The following LPCAT3 variants were observed in gnomAD, a reference collection of about 807,000 sequenced individuals.
LPCAT3 encodes the protein lysophosphatidylcholine acyltransferase 3.
Under a neutral mutation model 63.4 loss-of-function variants are expected in LPCAT3, and 21 were observed. The ratio of observed to expected loss-of-function variants is 0.33; its 90% CI spans 0.23 to 0.48. LPCAT3 has a LOEUF of 0.48. Ranked by LOEUF, LPCAT3 falls within the 20% of genes least tolerant of loss-of-function variation. The pLI is 0.99. For synonymous variants in LPCAT3, 242 were observed against 227.5 expected (o/e 1.06, Z -0.58); for missense variants, 451 against 590.6 (o/e 0.76, Z 2.45).
chr12:7,002,645 A>G (rs782494773), intron 1 of LPCAT3, among the ~76,000 whole-genome samples: 20 of 152,228 alleles, frequency 1.3e-4, no homozygotes, highest in South Asian at 4.1e-4. Context: ...ATAAATTTGA[A>G]TAAGTGTGGT....
intron 1 of LPCAT3, among the ~76,000 whole-genome samples, chr12:7,014,891 T>TGAAAAAAAAA (rs1946787988): frequency 1.1e-5 from 1 of 87,994 alleles, no homozygotes; most frequent in Non-Finnish European, 2.1e-5. Context: ...AGACTCCGTC[T>TGAAAAAAAAA]CAAAAAAAAA....
chr12:6,980,865 G>A (rs782386923), intron 6 of LPCAT3, 139 bp downstream of exon 6: 1 of 695,660 alleles, frequency 1.4e-6, no homozygotes, highest in East Asian at 3.0e-5. Context: ...CTGGCACAGA[G>A]TGCCTGTTAC....
chr12:6,979,188 A>T (rs2138329494), intron 7 of LPCAT3: 1 of 475,666 alleles, frequency 2.1e-6, no homozygotes, highest in East Asian at 3.8e-5. Context: ...CTGTGCTCTG[A>T]GGGGTCACGT....
chr12:6,978,611 G>A lies in LPCAT3; in HGVS notation c.865C>T (p.Leu289=). The change falls in exon 8 of 13, where the codon CTG becomes TTG. Residue 289 remains leucine (L), a synonymous_variant. Coordinates refer to ENST00000261407, the MANE Select transcript of LPCAT3 (RefSeq NM_005768.6). The part of the protein sequence containing the change: ...FVLYKYVTCW[L]VTEGVCILTG... ...TCAACTTTTCTACTTACTGTGACCA[G>A]CCAACAGGTGACATATTTGTACAGC... 1 of 1,614,166 alleles carries A rather than the reference G, an allele frequency of 6.2e-7. No individual in the cohort carries two copies. Among genetic ancestry groups the A allele is most frequent in the Non-Finnish European group, 8.5e-7 (1 of 1,180,024 alleles).
intron 1 of LPCAT3, among the ~76,000 whole-genome samples, chr12:6,986,471 G>A (rs1340553417): frequency 6.6e-6 from 1 of 152,066 alleles, no homozygotes; most frequent in Non-Finnish European, 1.5e-5. Flanking sequence ...TCTATTAGTA[G>A]TTAAGTTTTT....
intron 1 of LPCAT3, among the ~76,000 whole-genome samples, chr12:6,995,847 T>C (rs2138348088): frequency 6.6e-6 from 1 of 152,242 alleles, no homozygotes; most frequent in South Asian, 2.1e-4. Context: ...CTCTACTGCT[T>C]CCCCTGGTCT....
intron 1 of LPCAT3, among the ~76,000 whole-genome samples, chr12:6,994,572 TCCTC>T (rs1345922392): frequency 6.6e-6 from 1 of 152,098 alleles, no homozygotes; most frequent in African/African-American, 2.4e-5. Context: ...GTTCAAGTGA[TCCTC>T]CCACCTGAGC....
intron 1 of LPCAT3, among the ~76,000 whole-genome samples, chr12:7,007,162 G>T (rs925691745): frequency 6.6e-6 from 1 of 151,846 alleles, no homozygotes; most frequent in Non-Finnish European, 1.5e-5. Flanking sequence ...TCCTGCCTCA[G>T]CCTCCCAAGT....
intron 1 of LPCAT3, among the ~76,000 whole-genome samples, chr12:7,010,751 T>A (rs914870660): frequency 6.6e-6 from 1 of 152,244 alleles, no homozygotes; most frequent in Non-Finnish European, 1.5e-5. Context: ...GAAACATGTT[T>A]AACGATAAAG....
At chr12:6,989,018 C>T (rs1017851188) in intron 1 of LPCAT3, among the ~76,000 whole-genome samples, 3 of 151,518 alleles carry the variant, frequency 2.0e-5, no homozygotes, top group South Asian at 2.1e-4. Context: ...CCCAGCTACT[C>T]GGGAGGCTGA....
rs782553663 is a variant in LPCAT3 at position 7,018,243 on chromosome 12, G to A, written c.151+31C>T. On this transcript the variant is annotated intron_variant, in intron 1 of 12. Transcript: ENST00000261407. The surrounding 1 kb of genome is among the most constrained non-coding windows in gnomAD (Gnocchi z 4.9). ...CTCCCCTACTCCCCGGGGACTCCGCGAGGGGCGGAGGGAGGCAGGAGGGTC... is the reference window on the plus strand; with the variant it reads ...CTCCCCTACTCCCCGGGGACTCCGCAAGGGGCGGAGGGAGGCAGGAGGGTC... 1 of 1,575,152 alleles carries A rather than the reference G, an allele frequency of 6.3e-7. No individual in the cohort carries two copies. The highest frequency in any genetic ancestry group is 1.7e-4 in the Middle Eastern group (1 of 5,948).
chr12:6,990,964 G>T (rs1191185135), intron 1 of LPCAT3, among the ~76,000 whole-genome samples: 3 of 136,868 alleles, frequency 2.2e-5, no homozygotes, highest in Non-Finnish European at 3.2e-5. Context: ...AAAAGTAAAA[G>T]ATATGATTAA....
At chr12:6,997,022 CA>C (rs1946642456) in intron 1 of LPCAT3, among the ~76,000 whole-genome samples, 1 of 151,634 alleles carries the variant, frequency 6.6e-6, no homozygotes, top group Non-Finnish European at 1.5e-5. Flanking sequence ...AAAAAAAAAT[CA>C]ATTGACTAGG....
chr12:6,986,058 A>C (rs1591549115), intron 1 of LPCAT3, among the ~76,000 whole-genome samples: 1 of 151,518 alleles, frequency 6.6e-6, no homozygotes, highest in African/African-American at 2.4e-5. Flanking sequence ...TACAGGCGTG[A>C]GCCACCACGC....
At chr12:6,983,338 C>G in intron 2 of LPCAT3, 94 bp downstream of exon 2, 1 of 783,340 alleles carries the variant, frequency 1.3e-6, no homozygotes, top group Non-Finnish European at 2.2e-6. Flanking sequence ...TATAACTTCC[C>G]TACCTATTAG....
chr12:7,017,075 C>T lies in LPCAT3; in HGVS notation c.151+1199G>A, dbSNP rs1946801656. Among the ~76,000 whole-genome samples the T allele has an allele frequency of 6.6e-6, 1 of 152,120 alleles. No homozygotes were observed. ...TTTCTACTGAATACTGGATAAACGCCAAACTTCTCTCTGGCATTTAAGGCT... is the reference window on the plus strand; with the variant it reads ...TTTCTACTGAATACTGGATAAACGCTAAACTTCTCTCTGGCATTTAAGGCT... On this transcript the variant is annotated intron_variant, in intron 1 of 12. Transcript: ENST00000261407. This position sits in a 1 kb window ranked among gnomAD's most constrained non-coding sequence, Gnocchi z 4.1.
intron 1 of LPCAT3, among the ~76,000 whole-genome samples, chr12:7,007,342 C>T (rs782405102): frequency 5.3e-5 from 8 of 151,400 alleles, no homozygotes; most frequent in Non-Finnish European, 7.4e-5. Context: ...TAAGCCACCG[C>T]GCCTGGCCAG....
rs782715678 is a variant in LPCAT3, at chr12:6,997,194, A to C, written c.152-13655T>G. 3.9e-5 allele frequency: 6 copies of C among 152,130 alleles called. No homozygotes were observed. The East Asian group carries it at 7.7e-4, about 20-fold the overall frequency. The allele number at this position is 152,130 out of a possible 1,614,324, so 9.4% of individuals were successfully genotyped here. A position where few individuals can be genotyped will look rare whatever the true frequency, so the allele number is the denominator to read the frequency against. The stretch of plus-strand genomic sequence containing the variant: ...GTTGCCATCTAAACCTTATGTTTTT[A>C]TTTCTTTATTTTTTTATTTTCTTGA... On this transcript the variant is annotated intron_variant, in intron 1 of 12. Coordinates refer to ENST00000261407, the MANE Select transcript of LPCAT3 (RefSeq NM_005768.6).
chr12:6,987,913 A>T lies in LPCAT3; in HGVS notation c.152-4374T>A. ...TTCTGAGTTCTTGTGTCCACTTCTTATAGCCTGTCTGTCCCTTTCCTTGCT... is the reference window on the plus strand; with the variant it reads ...TTCTGAGTTCTTGTGTCCACTTCTTTTAGCCTGTCTGTCCCTTTCCTTGCT... On this transcript the variant is annotated intron_variant, in intron 1 of 12. Coordinates refer to ENST00000261407, the MANE Select transcript of LPCAT3 (RefSeq NM_005768.6). The surrounding 1 kb of genome is among the most constrained non-coding windows in gnomAD (Gnocchi z 4.1). 2 of 400,316 alleles carry T rather than the reference A, an allele frequency of 5.0e-6. No individual in the cohort carries two copies. The highest frequency in any genetic ancestry group is 4.4e-6 in the Non-Finnish European group (1 of 225,996). The allele number at this position is 400,316 out of a possible 1,614,324, so 24.8% of individuals were successfully genotyped here.
Sources: allele counts gnomAD v4.1 joint callset (sites outside exome capture counted in the v4.1 genomes callset), GRCh38; gene constraint gnomAD v4.1.1; non-coding constraint Gnocchi (gnomAD v3.1); transcripts MANE v1.5; gene names NCBI Gene and HGNC (gene_info 2026-07-23, HGNC 2026-07-21).